The following SMYD3 variants were observed in gnomAD, a reference collection of about 807,000 sequenced individuals.
The protein encoded by SMYD3 is histone-lysine N-methyltransferase SMYD3.
In SMYD3, 36 loss-of-function variants were observed where a neutral mutation model predicts 57.7. The observed-to-expected ratio is 0.62, with a 90% CI of 0.48 to 0.82. The LOEUF (loss-of-function observed/expected upper bound fraction) is 0.82. SMYD3 is among the 40% of genes least tolerant of loss of function. The probability of loss-of-function intolerance (pLI) is 0.00; values close to 1 mark genes in which losing one functional copy is unlikely to be tolerated. For synonymous variants in SMYD3, 211 were observed against 195.0 expected, an observed-to-expected ratio of 1.08 and a Z score of -0.68; for missense variants, 515 against 538.8, an observed-to-expected ratio of 0.96 and a Z score of 0.44.
At chr1:246,360,474 C>G (rs890374290) in intron 1 of SMYD3, among the ~76,000 whole-genome samples, 1 of 151,910 alleles carries the variant, frequency 6.6e-6, no homozygotes, top group Non-Finnish European at 1.5e-5. Context: ...TCATACGGAA[C>G]CAAAAAAGAG....
chr1:246,355,033 G>A lies in SMYD3; in HGVS notation c.226C>T (p.Gln76Ter). Residue 76 changes from glutamine (Q) to a stop codon, truncating the protein, a stop_gained and splice_region_variant, in exon 2 of 12, where the codon CAG becomes TAG. Transcript: ENST00000490107. LOFTEE classifies it high-confidence loss of function. The surrounding 1 kb of genome is among the most constrained non-coding windows in gnomAD (Gnocchi z 5.0). The part of the protein sequence containing the change: ...RVAKYCSAKC[Q>*]KKAWPDHKRE... ...TATATATGGCTGAAAAGTCTTACCTGACACTTAGCACTACAGTATTTGGCG... is the reference window on the plus strand; with the variant it reads ...TATATATGGCTGAAAAGTCTTACCTAACACTTAGCACTACAGTATTTGGCG... 2 of 1,613,970 alleles carry A rather than the reference G, an allele frequency of 1.2e-6. No homozygotes were observed. The highest frequency in any genetic ancestry group is 1.7e-6 in the Non-Finnish European group (2 of 1,179,896).
intron 1 of SMYD3, among the ~76,000 whole-genome samples, chr1:246,452,324 G>A (rs1247815536): frequency 6.6e-6 from 1 of 152,112 alleles, no homozygotes; most frequent in East Asian, 1.9e-4. Flanking sequence ...TGGCCAACAT[G>A]GCAGAACCTT....
intron 5 of SMYD3, among the ~76,000 whole-genome samples, chr1:246,059,573 A>G (rs1320186032): frequency 6.6e-6 from 1 of 152,218 alleles, no homozygotes; most frequent in Non-Finnish European, 1.5e-5. Flanking sequence ...GTCTAAACTG[A>G]AAACAACATA....
At chr1:245,991,261 C>A (rs1195898441) in intron 5 of SMYD3, among the ~76,000 whole-genome samples, 1 of 152,068 alleles carries the variant, frequency 6.6e-6, no homozygotes, top group Non-Finnish European at 1.5e-5. Flanking sequence ...TGAGCCAGGG[C>A]AGGTGTGGAA....
At chr1:246,127,220 T>C (rs146124693) in intron 5 of SMYD3, among the ~76,000 whole-genome samples, 3 of 152,206 alleles carry the variant, frequency 2.0e-5, no homozygotes, top group Non-Finnish European at 4.4e-5. Context: ...TGCTTGGTTA[T>C]TGTAAGCGGT....
intron 1 of SMYD3, among the ~76,000 whole-genome samples, chr1:246,438,572 C>T (rs992752927): frequency 2.0e-5 from 3 of 152,102 alleles, no homozygotes; most frequent in Admixed American, 6.6e-5. Flanking sequence ...CATGGATGCT[C>T]AAGTCCCTTC....
intron 8 of SMYD3, among the ~76,000 whole-genome samples, chr1:245,888,167 TG>T (rs1474866132): frequency 6.6e-6 from 1 of 152,216 alleles, no homozygotes; most frequent in Admixed American, 6.5e-5. Context: ...CTCACCCAAG[TG>T]GGTTGTAAAA....
rs536434274 is a variant in SMYD3, at chr1:245,977,050, G to T, written c.532-47113C>A. 1.8e-4 allele frequency among the ~76,000 whole-genome samples: 22 copies of T among 123,202 alleles called. 2 individuals are homozygous for T. The highest frequency in any genetic ancestry group is 6.3e-4 in the African/African-American group (20 of 31,686). 80.8% of individuals were successfully genotyped at this position (123,202 alleles called of 152,430 possible). On this transcript the variant is annotated intron_variant, in intron 5 of 11. Transcript: ENST00000490107. ...AGCCCAGGGAAAGCCATCGTCTCCG[G>T]CCCAGGGAAAGCCATCGTCTCTAGC...
Position 246,145,990 on chromosome 1 carries a change from T to C in SMYD3, c.531+181211A>G, listed in dbSNP as rs1198215664. ...AACCCTAATGCTTTTAAAGCACTCT[T>C]AAAGCAGGCTCAGTCATTATTTTCT... is the stretch of plus-strand genomic sequence containing the variant. On this transcript the variant is annotated intron_variant, in intron 5 of 11. Transcript: ENST00000490107. Among the ~76,000 whole-genome samples, 4 of 152,200 alleles carry C rather than the reference T, an allele frequency of 2.6e-5. No individual in the cohort carries two copies. The East Asian group carries it at 7.7e-4, about 29-fold the overall frequency.
chr1:246,182,256 C>A (rs1435412105), intron 5 of SMYD3, among the ~76,000 whole-genome samples: 1 of 152,056 alleles, frequency 6.6e-6, no homozygotes, highest in Non-Finnish European at 1.5e-5. Context: ...CACTGAAAAC[C>A]CCTCCTCGCC....
chr1:246,472,566 G>C (rs2067975363), intron 1 of SMYD3, among the ~76,000 whole-genome samples: 1 of 152,040 alleles, frequency 6.6e-6, no homozygotes. Flanking sequence ...AACAGAGTGA[G>C]ACCCTGTCCC....
At chr1:246,031,391 A>G (rs1171319881) in intron 5 of SMYD3, among the ~76,000 whole-genome samples, 1 of 152,180 alleles carries the variant, frequency 6.6e-6, no homozygotes, top group African/African-American at 2.4e-5. Flanking sequence ...AAAATCCATT[A>G]TTACAATAGA....
intron 5 of SMYD3, among the ~76,000 whole-genome samples, chr1:246,224,109 C>A (rs916171703): frequency 1.3e-5 from 2 of 152,010 alleles, no homozygotes; most frequent in East Asian, 3.9e-4. Flanking sequence ...CCAGAGAGAA[C>A]AAGACTGGCA....
intron 10 of SMYD3, among the ~76,000 whole-genome samples, chr1:245,830,329 C>T (rs1283289767): frequency 8.5e-5 from 13 of 152,184 alleles, no homozygotes; most frequent in Admixed American, 7.2e-4. Flanking sequence ...AAGGCACGTC[C>T]TACATGGCGG....
At chr1:245,782,659 TCA>T (rs1444565131) in intron 10 of SMYD3, among the ~76,000 whole-genome samples, 1 of 152,078 alleles carries the variant, frequency 6.6e-6, no homozygotes, top group Admixed American at 6.5e-5. Flanking sequence ...AACTAGATAC[TCA>T]CAGTCAAAAC....
chr1:245,813,643 C>T lies in SMYD3; in HGVS notation c.1076+44853G>A, dbSNP rs74580272. Among the ~76,000 whole-genome samples the T allele has an allele frequency of 7.4e-3, 1,125 of 152,268 alleles. 18 individuals are homozygous for T. Among genetic ancestry groups the T allele is most frequent in the African/African-American group, 0.026 (1,071 of 41,540 alleles). ...ACAGCAAGGCTGAAGACTAGGTGGGCAACAGCGCTGCATGTCAAAGGGTTT... is the reference window on the plus strand; with the variant it reads ...ACAGCAAGGCTGAAGACTAGGTGGGTAACAGCGCTGCATGTCAAAGGGTTT... On this transcript the variant is annotated intron_variant, in intron 10 of 11. Coordinates refer to ENST00000490107, the MANE Select transcript of SMYD3 (RefSeq NM_001167740.2).
At chr1:245,809,603 A>C (rs2048353833) in intron 10 of SMYD3, among the ~76,000 whole-genome samples, 1 of 152,256 alleles carries the variant, frequency 6.6e-6, no homozygotes, top group Admixed American at 6.5e-5. Flanking sequence ...CAACGTCAGG[A>C]AGGCATTGTT....
chr1:246,212,540 G>A (rs780703848), intron 5 of SMYD3, among the ~76,000 whole-genome samples: 18 of 151,838 alleles, frequency 1.2e-4, no homozygotes, highest in Admixed American at 2.6e-4. Flanking sequence ...TTTTCTATGC[G>A]TTTCTAGGTT....
rs533547684 is a variant in SMYD3 at position 246,093,528 on chromosome 1, A to G, written c.532-163591T>C. On this transcript the variant is annotated intron_variant, in intron 5 of 11. Coordinates refer to ENST00000490107, the MANE Select transcript of SMYD3 (RefSeq NM_001167740.2). ...AAATAATCCAGGCACAGAAAGGCAA[A>G]TATGTTATGTTCTCACTCACATGTG... Among the ~76,000 whole-genome samples, 4 of 152,324 alleles carry G rather than the reference A, an allele frequency of 2.6e-5. No individual in the cohort carries two copies. The South Asian group carries it at 8.3e-4, about 32-fold the overall frequency.
Sources: allele counts gnomAD v4.1 joint callset (sites outside exome capture counted in the v4.1 genomes callset), GRCh38; gene constraint gnomAD v4.1.1; non-coding constraint Gnocchi (gnomAD v3.1); transcripts MANE v1.5; gene names NCBI Gene and HGNC (gene_info 2026-07-23, HGNC 2026-07-21).